The following NAA60 variants were observed in gnomAD, a reference collection of about 807,000 sequenced individuals.
NAA60 encodes N-alpha-acetyltransferase 60, NatF catalytic subunit, also known as N-alpha-acetyltransferase 60.
In NAA60, 8 loss-of-function variants were observed where a neutral mutation model predicts 26.1. The observed-to-expected ratio is 0.31, with a 90% CI of 0.18 to 0.55. The LOEUF (loss-of-function observed/expected upper bound fraction) is 0.55, where lower values mean the gene tolerates loss of function less well. Ranked by LOEUF, NAA60 falls within the 20% of genes least tolerant of loss-of-function variation. The pLI is 0.93. For synonymous variants in NAA60, 131 were observed against 122.5 expected (o/e 1.07, Z -0.46); for missense variants, 290 against 311.3 (o/e 0.93, Z 0.51).
chr16:3,455,189 T>G (rs1488959393), intron 2 of NAA60, among the ~76,000 whole-genome samples: 1 of 151,420 alleles, frequency 6.6e-6, no homozygotes, highest in African/African-American at 2.4e-5. Context: ...ATAGCTGGGA[T>G]TACAGGCATG....
At chr16:3,446,888 G>C (rs943393015) in intron 1 of NAA60, among the ~76,000 whole-genome samples, 1 of 152,026 alleles carries the variant, frequency 6.6e-6, no homozygotes, top group Non-Finnish European at 1.5e-5. Flanking sequence ...TGGGATTACA[G>C]GTATGAGCCA....
chr16:3,476,407 T>G (rs1596343810), intron 3 of NAA60, 70 bp downstream of exon 3: 12 of 1,290,032 alleles, frequency 9.3e-6, no homozygotes, highest in Admixed American at 2.0e-5. Flanking sequence ...GCGGCGGGGG[T>G]GGGGGCCTCT....
At chr16:3,479,375 A>G (rs1196693542) in intron 3 of NAA60, 96 bp from the exon 4 acceptor site, 1 of 1,344,118 alleles carries the variant, frequency 7.4e-7, no homozygotes, top group African/African-American at 1.4e-5. Context: ...AGCAGGCAGA[A>G]GTGGCCCAGA....
chr16:3,476,778 G>T (rs2036511855), intron 3 of NAA60, among the ~76,000 whole-genome samples: 2 of 151,898 alleles, frequency 1.3e-5, no homozygotes, highest in African/African-American at 4.8e-5. Context: ...GATATTAAAG[G>T]AGCCTGTAAT....
intron 6 of NAA60, among the ~76,000 whole-genome samples, chr16:3,484,320 C>G (rs1450596223): frequency 6.6e-6 from 1 of 152,182 alleles, no homozygotes; most frequent in East Asian, 1.9e-4. Flanking sequence ...ACTGTTGACC[C>G]CCTCCTTGTC....
intron 2 of NAA60, among the ~76,000 whole-genome samples, chr16:3,452,268 C>A (rs1029823221): frequency 1.3e-5 from 2 of 152,102 alleles, no homozygotes; most frequent in African/African-American, 4.8e-5. Flanking sequence ...GCCATTTGCC[C>A]TGCTGTAGTG....
rs373668490 is a variant in NAA60, at chr16:3,479,608, C to T, written c.240+8C>T. 2.2e-5 allele frequency: 36 copies of T among 1,613,690 alleles called. No homozygotes were observed. In the East Asian group the frequency reaches 2.5e-4, roughly 11 times the overall value. Reference sequence around the variant, plus strand: ...ACCAAAATACATAAAGAGGTACGTACGTGTGTGCAGTGAGGACTTGGCAGT... The same window carrying T: ...ACCAAAATACATAAAGAGGTACGTATGTGTGTGCAGTGAGGACTTGGCAGT... On this transcript the variant is annotated splice_region_variant and intron_variant, in intron 4 of 7. Transcript: ENST00000407558.
rs984362550 is a variant in NAA60 at position 3,458,055 on chromosome 16, C to G, written c.-7+9515C>G. The G allele has an allele frequency of 5.1e-6, 5 of 985,268 alleles. No homozygotes were observed. In the African/African-American group the frequency reaches 7.0e-5, roughly 14 times the overall value. The allele number at this position is 985,268 out of a possible 1,614,324, so 61.0% of individuals were successfully genotyped here. ...GTGCCGCGGGCTGCCGCCTCCGTCC[C>G]GGCTGCGGCCCCTGCCGGTTACATA... On this transcript the variant is annotated intron_variant, in intron 2 of 7. Coordinates refer to ENST00000407558, the MANE Select transcript of NAA60 (RefSeq NM_001083601.3).
At chr16:3,483,716 A>T in intron 6 of NAA60, 119 bp downstream of exon 6, 1 of 757,452 alleles carries the variant, frequency 1.3e-6, no homozygotes, top group Non-Finnish European at 2.3e-6. Flanking sequence ...AAGCTTATGG[A>T]TGCTTCTCTC....
intron 2 of NAA60, among the ~76,000 whole-genome samples, chr16:3,464,743 A>G (rs878967849): frequency 5.9e-5 from 9 of 152,168 alleles, no homozygotes; most frequent in African/African-American, 1.9e-4. Flanking sequence ...TTGTTTTTAA[A>G]CCAAACAGGT....
At chr16:3,461,599 A>G (rs752122760) in intron 2 of NAA60, among the ~76,000 whole-genome samples, 1 of 152,210 alleles carries the variant, frequency 6.6e-6, no homozygotes, top group Non-Finnish European at 1.5e-5. Flanking sequence ...TTTTGCCCCA[A>G]AATGGACTCT....
chr16:3,470,953 G>A (rs565581840), intron 2 of NAA60, among the ~76,000 whole-genome samples: 17 of 148,074 alleles, frequency 1.1e-4, no homozygotes, highest in Admixed American at 3.4e-4. Context: ...CCTGACTTAG[G>A]TGTGACGCGT....
At position 3,484,838 on chromosome 16, in the gene NAA60, T is replaced by C; in HGVS notation, c.712T>C (p.Tyr238His). The C allele has an allele frequency of 6.4e-7, 1 of 1,563,840 alleles. No homozygotes were observed. The highest frequency in any genetic ancestry group is 8.7e-7 in the Non-Finnish European group (1 of 1,155,026). Residue 238 changes from tyrosine (Y) to histidine (H), a missense_variant, in exon 7 of 8, where the codon TAC (tyrosine) becomes CAC (histidine). Transcript: ENST00000407558. ...CATCTCTTCCAAGAGTGGCATCGAG[T>C]ACAGCCGGACCATGTGATGTCGGCT... Reference protein sequence around the residue: ...SGISSKSGIEYSRTM With the variant: ...SGISSKSGIEHSRTM
intron 2 of NAA60, among the ~76,000 whole-genome samples, chr16:3,463,715 A>AG (rs1206148172): frequency 6.6e-6 from 1 of 151,930 alleles, no homozygotes; most frequent in East Asian, 1.9e-4. Flanking sequence ...AAAAAAAAAA[A>AG]AAAATTCAAC....
chr16:3,475,773 C>T (rs919295712), intron 2 of NAA60, among the ~76,000 whole-genome samples: 5 of 152,240 alleles, frequency 3.3e-5, no homozygotes, highest in Non-Finnish European at 7.3e-5. Context: ...TTCACTGCCC[C>T]GGCCACCGGG....
At chr16:3,444,437 A>G (rs1383257174) in intron 1 of NAA60, among the ~76,000 whole-genome samples, 2 of 152,142 alleles carry the variant, frequency 1.3e-5, no homozygotes, top group Non-Finnish European at 2.9e-5. Flanking sequence ...GCCAGTTTAT[A>G]AAGGTGTTTG....
At chr16:3,456,005 CAA>C (rs776233727) in intron 2 of NAA60, among the ~76,000 whole-genome samples, 1 of 151,788 alleles carries the variant, frequency 6.6e-6, no homozygotes, top group Non-Finnish European at 1.5e-5. Context: ...GCGCCCTGCC[CAA>C]AAAAAGAGTA....
At chr16:3,457,888 C>A in intron 2 of NAA60, 1 of 803,596 alleles carries the variant, frequency 1.2e-6, no homozygotes, top group Non-Finnish European at 1.5e-6. Flanking sequence ...GATCCTGGGC[C>A]TGGCTTCGCA....
At chr16:3,473,437 G>T (rs778558509) in intron 2 of NAA60, among the ~76,000 whole-genome samples, 1 of 152,174 alleles carries the variant, frequency 6.6e-6, no homozygotes. Flanking sequence ...ATCAGGTCTC[G>T]TGGGACTTAT....
Sources: gnomAD v4.1 joint callset for allele counts (sites outside exome capture counted in the v4.1 genomes callset) on GRCh38, gnomAD v4.1.1 for gene constraint, MANE v1.5 for transcripts, NCBI Gene and HGNC (gene_info 2026-07-23, HGNC 2026-07-21) for gene names.